Variants in POU2AF2 observed in about 807,000 individuals in gnomAD.
POU2AF2 encodes POU class 2 homeobox associating factor 2.
the POU2AF2 span, among the ~76,000 whole-genome samples, chr11:111,250,566 C>T: frequency 6.6e-6 from 1 of 152,232 alleles, no homozygotes; most frequent in Non-Finnish European, 1.5e-5. Context: ...AAAGCCCCCA[C>T]TTCGTGGAGC....
At chr11:111,286,028 T>A in the POU2AF2 span, 1 of 1,613,114 alleles carries the variant, frequency 6.2e-7, no homozygotes, top group African/African-American at 1.3e-5. Flanking sequence ...TGCCTGGGGG[T>A]CATATGAATG....
the POU2AF2 span, among the ~76,000 whole-genome samples, chr11:111,275,243 G>T: frequency 0.057 from 8,610 of 152,210 alleles, 783 homozygotes; most frequent in African/African-American, 0.19. Context: ...AACAAAACTG[G>T]ATCTTACATA....
the POU2AF2 span, among the ~76,000 whole-genome samples, chr11:111,247,378 T>G: frequency 6.6e-6 from 1 of 152,156 alleles, no homozygotes; most frequent in African/African-American, 2.4e-5. Context: ...TGAAGGTACA[T>G]TGGGAGGAGT....
the POU2AF2 span, among the ~76,000 whole-genome samples, chr11:111,276,453 A>AAATATATAT: frequency 9.8e-3 from 366 of 37,264 alleles, 8 homozygotes; most frequent in Middle Eastern, 0.056. Context: ...AAAAAAAAAA[A>AAATATATAT]ATATATATAT....
chr11:111,246,103 A>G, the POU2AF2 span, among the ~76,000 whole-genome samples: 1 of 152,340 alleles, frequency 6.6e-6, no homozygotes, highest in East Asian at 1.9e-4. Context: ...TATAGAGTTT[A>G]CAGAGATATT....
the POU2AF2 span, among the ~76,000 whole-genome samples, chr11:111,262,371 C>T: frequency 4.6e-5 from 7 of 152,152 alleles, no homozygotes; most frequent in Non-Finnish European, 8.8e-5. Context: ...TCCCTAAAAC[C>T]GCCTGTCCTT....
the POU2AF2 span, chr11:111,284,169 A>G: frequency 1.9e-6 from 3 of 1,614,064 alleles, no homozygotes; most frequent in East Asian, 2.2e-5. Context: ...AATGACGTCT[A>G]CACCTCCAGC....
the POU2AF2 span, among the ~76,000 whole-genome samples, chr11:111,272,391 T>G: frequency 6.6e-6 from 1 of 152,338 alleles, no homozygotes; most frequent in East Asian, 1.9e-4. Context: ...AAGTATCTAT[T>G]AGTTTTCCCA....
the POU2AF2 span, chr11:111,285,689 A>G: frequency 6.2e-7 from 1 of 1,613,494 alleles, no homozygotes; most frequent in Non-Finnish European, 8.5e-7. Context: ...TGACGGTCTC[A>G]GCCAGCCTGA....
the POU2AF2 span, chr11:111,281,347 A>G: frequency 6.8e-7 from 1 of 1,480,406 alleles, no homozygotes; most frequent in African/African-American, 1.4e-5. Flanking sequence ...AATTTTTATT[A>G]AATTCAAACT....
the POU2AF2 span, among the ~76,000 whole-genome samples, chr11:111,265,926 C>T: frequency 6.6e-6 from 1 of 151,452 alleles, no homozygotes; most frequent in African/African-American, 2.4e-5. Context: ...TTGAGCTATA[C>T]CACTGTCCTC....
At chr11:111,252,749 T>C in the POU2AF2 span, among the ~76,000 whole-genome samples, 5 of 151,884 alleles carry the variant, frequency 3.3e-5, no homozygotes, top group East Asian at 1.9e-4. Flanking sequence ...TTTTCAACTC[T>C]CTCCCACTCA....
the POU2AF2 span, among the ~76,000 whole-genome samples, chr11:111,272,267 C>T: frequency 3.1e-4 from 47 of 152,234 alleles, no homozygotes; most frequent in African/African-American, 1.1e-3. Context: ...AGTAAATCAC[C>T]TCATCACCAC....
At chr11:111,256,409 A>C in the POU2AF2 span, among the ~76,000 whole-genome samples, 1 of 152,186 alleles carries the variant, frequency 6.6e-6, no homozygotes, top group Admixed American at 6.5e-5. Context: ...GCTATTGACT[A>C]TATGCCCTTG....
At chr11:111,280,862 C>T in the POU2AF2 span, among the ~76,000 whole-genome samples, 7 of 152,126 alleles carry the variant, frequency 4.6e-5, no homozygotes, top group East Asian at 3.9e-4. Context: ...GTGAAGAAGG[C>T]GAAAGAAATT....
chr11:111,286,061 G>A, the POU2AF2 span: 3 of 1,601,992 alleles, frequency 1.9e-6, no homozygotes, highest in Non-Finnish European at 2.5e-6. Flanking sequence ...TTGAGGGGAG[G>A]GCCAAATGAC....
At chr11:111,280,733 C>T in the POU2AF2 span, among the ~76,000 whole-genome samples, 3 of 151,972 alleles carry the variant, frequency 2.0e-5, no homozygotes, top group African/African-American at 4.8e-5. Context: ...AAAGAGAAGC[C>T]GGAATGTGCT....
At chr11:111,277,380 C>T in the POU2AF2 span, among the ~76,000 whole-genome samples, 2 of 152,086 alleles carry the variant, frequency 1.3e-5, no homozygotes, top group Non-Finnish European at 2.9e-5. Context: ...GTCAGTTCCA[C>T]AGTAATAATT....
At chr11:111,265,475 T>C in the POU2AF2 span, among the ~76,000 whole-genome samples, 2 of 152,066 alleles carry the variant, frequency 1.3e-5, no homozygotes, top group African/African-American at 4.8e-5. Context: ...TTCTGACTCT[T>C]GTGTGTGAAA....
Sources: allele counts gnomAD v4.1 joint callset (sites outside exome capture counted in the v4.1 genomes callset), GRCh38; gene constraint gnomAD v4.1.1; transcripts MANE v1.5; gene names NCBI Gene and HGNC (gene_info 2026-07-23, HGNC 2026-07-21).